The following SLC24A2 variants were observed in gnomAD, a reference collection of about 807,000 sequenced individuals.
SLC24A2 encodes the protein solute carrier family 24 member 2.
Under a neutral mutation model 62.0 loss-of-function variants are expected in SLC24A2, and 36 were observed. That is an observed-to-expected ratio of 0.58 (90% CI 0.44 to 0.77). SLC24A2 has a LOEUF of 0.77. SLC24A2 is among the 30% of genes least tolerant of loss of function. The probability of loss-of-function intolerance (pLI) is 0.00; values close to 1 mark genes in which losing one functional copy is unlikely to be tolerated. For synonymous variants in SLC24A2, 358 were observed against 294.0 expected (o/e 1.22, Z -2.23); for missense variants, 846 against 817.9 (o/e 1.03, Z -0.42).
At chr9:20,208,997 G>A in the SLC24A2 span, among the ~76,000 whole-genome samples, 2 of 152,184 alleles carry the variant, frequency 1.3e-5, no homozygotes, top group African/African-American at 4.8e-5. Flanking sequence ...CTAGCTCTGT[G>A]ATCCCAGTTA....
chr9:19,795,595 G>A, the SLC24A2 span, among the ~76,000 whole-genome samples: 43 of 151,992 alleles, frequency 2.8e-4, no homozygotes, highest in African/African-American at 9.2e-4. Flanking sequence ...AGGTACTTAG[G>A]ACCATCTTTC....
intron 2 of SLC24A2, among the ~76,000 whole-genome samples, chr9:19,737,124 C>T (rs1165461810): frequency 1.3e-5 from 2 of 152,188 alleles, no homozygotes; most frequent in Non-Finnish European, 2.9e-5. Flanking sequence ...CTTTGCAGCA[C>T]TGCACTAAGA....
At chr9:20,229,362 T>A in the SLC24A2 span, among the ~76,000 whole-genome samples, 9 of 152,264 alleles carry the variant, frequency 5.9e-5, no homozygotes, top group East Asian at 1.7e-3. Flanking sequence ...CCTCATCAGT[T>A]TTTGAAGAAG....
intron 7 of SLC24A2, among the ~76,000 whole-genome samples, chr9:19,557,105 G>C (rs917477080): frequency 6.6e-6 from 1 of 152,162 alleles, no homozygotes; most frequent in African/African-American, 2.4e-5. Flanking sequence ...GACAGTGCTA[G>C]GCCAACCCTG....
At chr9:19,910,305 A>T in the SLC24A2 span, among the ~76,000 whole-genome samples, 1 of 151,904 alleles carries the variant, frequency 6.6e-6, no homozygotes. Flanking sequence ...TGATCTAAAA[A>T]TTTTCAAAAT....
At chr9:19,999,807 G>A in the SLC24A2 span, among the ~76,000 whole-genome samples, 1 of 152,138 alleles carries the variant, frequency 6.6e-6, no homozygotes, top group East Asian at 1.9e-4. Context: ...GGGGACCCAG[G>A]AGGCACAAAG....
At chr9:19,991,352 C>T in the SLC24A2 span, among the ~76,000 whole-genome samples, 2,026 of 152,216 alleles carry the variant, frequency 0.013, 38 homozygotes, top group African/African-American at 0.041. Context: ...GAAGACTCAG[C>T]CAGTCTAGTC....
At chr9:20,303,495 T>C in the SLC24A2 span, among the ~76,000 whole-genome samples, 1 of 152,136 alleles carries the variant, frequency 6.6e-6, no homozygotes, top group Non-Finnish European at 1.5e-5. Context: ...CAGAATGAAG[T>C]AATCTAGTTC....
intron 8 of SLC24A2, among the ~76,000 whole-genome samples, chr9:19,547,438 A>C (rs891419279): frequency 2.6e-5 from 4 of 152,114 alleles, no homozygotes; most frequent in Non-Finnish European, 5.9e-5. Context: ...GTCATGACCC[A>C]CGTAACGACT....
the SLC24A2 span, among the ~76,000 whole-genome samples, chr9:20,186,521 CTT>C: frequency 6.6e-6 from 1 of 152,130 alleles, no homozygotes; most frequent in Non-Finnish European, 1.5e-5. Flanking sequence ...TGAACTCATC[CTT>C]TGCCAGCTAC....
intron 4 of SLC24A2, among the ~76,000 whole-genome samples, chr9:19,597,982 C>A (rs117508925): frequency 2.6e-5 from 4 of 152,106 alleles, no homozygotes; most frequent in African/African-American, 7.2e-5. Context: ...TCAGCTCCCC[C>A]TCTGTGTACA....
chr9:20,114,509 A>G, the SLC24A2 span, among the ~76,000 whole-genome samples: 1 of 152,186 alleles, frequency 6.6e-6, no homozygotes, highest in South Asian at 2.1e-4. Flanking sequence ...TAAATGAAAT[A>G]AAGAAAATAC....
At chr9:20,041,652 A>G in the SLC24A2 span, among the ~76,000 whole-genome samples, 995 of 152,364 alleles carry the variant, frequency 6.5e-3, 2 homozygotes, top group Non-Finnish European at 0.012. Context: ...GGTCTGCCTC[A>G]TACATATGAA....
intron 8 of SLC24A2, among the ~76,000 whole-genome samples, chr9:19,546,440 G>T (rs1207723129): frequency 6.6e-6 from 1 of 152,162 alleles, no homozygotes; most frequent in Non-Finnish European, 1.5e-5. Flanking sequence ...CTGAGCTGCA[G>T]TGGGCTCCAC....
the SLC24A2 span, among the ~76,000 whole-genome samples, chr9:20,087,191 G>C: frequency 6.6e-6 from 1 of 152,154 alleles, no homozygotes; most frequent in South Asian, 2.1e-4. Flanking sequence ...CCCAAATGTG[G>C]ACATTAATTA....
chr9:19,613,066 G>A (rs1817657641), intron 4 of SLC24A2, among the ~76,000 whole-genome samples: 1 of 152,204 alleles, frequency 6.6e-6, no homozygotes, highest in African/African-American at 2.4e-5. Flanking sequence ...TAAGAGACAA[G>A]TGTTCAATAA....
intron 2 of SLC24A2, among the ~76,000 whole-genome samples, chr9:19,637,506 G>A (rs1029630577): frequency 6.6e-6 from 1 of 152,186 alleles, no homozygotes; most frequent in African/African-American, 2.4e-5. Context: ...ACACAAGGGG[G>A]AAGCAGAAGA....
At chr9:19,856,454 C>A in the SLC24A2 span, among the ~76,000 whole-genome samples, 13 of 151,958 alleles carry the variant, frequency 8.6e-5, no homozygotes, top group Non-Finnish European at 1.9e-4. Flanking sequence ...GGCTGCTGAC[C>A]TTTGGATGGG....
At chr9:20,271,259 G>C in the SLC24A2 span, among the ~76,000 whole-genome samples, 535 of 152,262 alleles carry the variant, frequency 3.5e-3, 8 homozygotes, top group Admixed American at 0.034. Flanking sequence ...TCATTAAACT[G>C]TCCCCCATAT....
Sources: allele counts gnomAD v4.1 joint callset (sites outside exome capture counted in the v4.1 genomes callset), GRCh38; gene constraint gnomAD v4.1.1; transcripts MANE v1.5; gene names NCBI Gene and HGNC (gene_info 2026-07-23, HGNC 2026-07-21).